Variants in RANBP2 observed in about 807,000 individuals in gnomAD.
RANBP2 encodes RAN binding protein 2.
In RANBP2, 57 loss-of-function variants were observed where a neutral mutation model predicts 303.6. The ratio of observed to expected loss-of-function variants is 0.19; its 90% CI spans 0.15 to 0.23. RANBP2 has a LOEUF of 0.23. RANBP2 is among the 10% of genes least tolerant of loss of function. The pLI, the probability that RANBP2 is intolerant of heterozygous loss-of-function variation, is 1.00. For missense variants in RANBP2, 3,138 were observed against 3,780.8 expected, an observed-to-expected ratio of 0.83 and a Z score of 4.46; for synonymous variants, 1,167 against 1,301.5, an observed-to-expected ratio of 0.90 and a Z score of 2.23.
the RANBP2 span, among the ~76,000 whole-genome samples, chr2:108,980,258 G>A: frequency 6.6e-6 from 1 of 152,038 alleles, no homozygotes; most frequent in Non-Finnish European, 1.5e-5. Context: ...GGACAGTTCT[G>A]CAGTGAGAGA....
the RANBP2 span, among the ~76,000 whole-genome samples, chr2:109,581,027 T>C: frequency 6.6e-6 from 1 of 152,196 alleles, no homozygotes; most frequent in Non-Finnish European, 1.5e-5. Context: ...TAAAGAATAA[T>C]ATGCATATGC....
chr2:109,427,553 GT>G, the RANBP2 span, among the ~76,000 whole-genome samples: 7 of 152,170 alleles, frequency 4.6e-5, no homozygotes, highest in Non-Finnish European at 8.8e-5. Context: ...CAAGTTCCAG[GT>G]GAGGCCAGTA....
chr2:109,611,897 T>C, the RANBP2 span, among the ~76,000 whole-genome samples: 1 of 152,158 alleles, frequency 6.6e-6, no homozygotes, highest in Admixed American at 6.6e-5. Context: ...TGCAAAATAA[T>C]ACAGCCATTC....
intron 1 of RANBP2, among the ~76,000 whole-genome samples, chr2:108,723,989 A>G (rs1694493598): frequency 6.6e-6 from 1 of 152,128 alleles, no homozygotes; most frequent in Non-Finnish European, 1.5e-5. Context: ...CCTCTTTGCT[A>G]CACAGCTGTG....
At chr2:109,154,744 T>G in the RANBP2 span, among the ~76,000 whole-genome samples, 15 of 152,302 alleles carry the variant, frequency 9.8e-5, no homozygotes, top group African/African-American at 3.6e-4. Context: ...GTAGGGACTT[T>G]GGGCCATCCC....
the RANBP2 span, among the ~76,000 whole-genome samples, chr2:109,287,009 T>C: frequency 2.6e-5 from 4 of 152,232 alleles, no homozygotes; most frequent in South Asian, 2.1e-4. Flanking sequence ...CAACTGTCCC[T>C]GTGCTCAGCT....
the RANBP2 span, among the ~76,000 whole-genome samples, chr2:109,529,467 C>T: frequency 1.3e-5 from 2 of 152,016 alleles, no homozygotes; most frequent in Non-Finnish European, 2.9e-5. Context: ...AGCCCCTGCA[C>T]GGGGAAGGAG....
chr2:109,620,569 G>C, the RANBP2 span, among the ~76,000 whole-genome samples: 8 of 152,218 alleles, frequency 5.3e-5, no homozygotes, highest in African/African-American at 1.9e-4. Context: ...GAGCATGGTG[G>C]TGCATGCCTG....
chr2:109,602,937 G>T, the RANBP2 span, among the ~76,000 whole-genome samples: 1 of 150,846 alleles, frequency 6.6e-6, no homozygotes, highest in Non-Finnish European at 1.5e-5. Flanking sequence ...CAGGCACAGT[G>T]GTGTGTACCT....
At chr2:108,985,442 C>A in the RANBP2 span, among the ~76,000 whole-genome samples, 1 of 152,236 alleles carries the variant, frequency 6.6e-6, no homozygotes, top group Non-Finnish European at 1.5e-5. Flanking sequence ...AGGGCTACCG[C>A]CACAGGTGCA....
chr2:109,387,856 G>GT, the RANBP2 span, among the ~76,000 whole-genome samples: 1 of 134,366 alleles, frequency 7.4e-6, no homozygotes, highest in East Asian at 2.2e-4. Context: ...GCCCCAGATG[G>GT]TTGGGGGGGG....
the RANBP2 span, among the ~76,000 whole-genome samples, chr2:108,938,150 A>G: frequency 6.6e-6 from 1 of 152,236 alleles, no homozygotes; most frequent in South Asian, 2.1e-4. Context: ...AAGAGCATGG[A>G]AAATCAGTAT....
chr2:109,130,170 C>A, the RANBP2 span: 1 of 1,251,104 alleles, frequency 8.0e-7, no homozygotes, highest in South Asian at 3.1e-5. Context: ...TGGGTGGGTG[C>A]TTGGGCGTGG....
chr2:109,098,150 G>A, the RANBP2 span, among the ~76,000 whole-genome samples: 1 of 152,172 alleles, frequency 6.6e-6, no homozygotes, highest in Non-Finnish European at 1.5e-5. Flanking sequence ...GGTGGAGAGA[G>A]CCTGCAAAGT....
chr2:109,545,652 A>C, the RANBP2 span: 6 of 1,494,092 alleles, frequency 4.0e-6, no homozygotes, highest in African/African-American at 7.0e-5. Context: ...TAATTCCCCA[A>C]CAAAGGGCAC....
chr2:108,984,156 G>A, the RANBP2 span, among the ~76,000 whole-genome samples: 2 of 152,162 alleles, frequency 1.3e-5, no homozygotes, highest in African/African-American at 2.4e-5. Flanking sequence ...CAAGGGAGCA[G>A]GTGTTGGTGA....
the RANBP2 span, among the ~76,000 whole-genome samples, chr2:109,052,390 A>G: frequency 2.0e-4 from 30 of 152,228 alleles, no homozygotes; most frequent in African/African-American, 7.2e-4. Context: ...TAGCATAGGT[A>G]GCTATATCAG....
At chr2:109,223,512 T>C in the RANBP2 span, among the ~76,000 whole-genome samples, 1 of 152,182 alleles carries the variant, frequency 6.6e-6, no homozygotes, top group Non-Finnish European at 1.5e-5. Flanking sequence ...TGGCTGGAAA[T>C]GAGCAGAATG....
At chr2:109,063,055 C>T in the RANBP2 span, among the ~76,000 whole-genome samples, 9 of 152,198 alleles carry the variant, frequency 5.9e-5, no homozygotes, top group Non-Finnish European at 1.2e-4. Context: ...GCGCCTTCCT[C>T]GCCTTGTCCA....
Sources: gnomAD v4.1 joint callset for allele counts (sites outside exome capture counted in the v4.1 genomes callset) on GRCh38, gnomAD v4.1.1 for gene constraint, MANE v1.5 for transcripts, NCBI Gene and HGNC (gene_info 2026-07-23, HGNC 2026-07-21) for gene names.